Variants in SEL1L2 observed in about 807,000 individuals in gnomAD.
The protein encoded by SEL1L2 is SEL1L2 adaptor subunit of SYVN1 ubiquitin ligase.
Under a neutral mutation model 98.8 loss-of-function variants are expected in SEL1L2, and 89 were observed. The observed-to-expected ratio is 0.90, with a 90% CI of 0.76 to 1.07. The LOEUF is 1.07. Among genes scored for constraint, SEL1L2 ranks in the 50% least tolerant of loss-of-function variants. SEL1L2 has a pLI of 0.00. For missense variants in SEL1L2, 788 were observed against 812.0 expected (o/e 0.97, Z 0.36); for synonymous variants, 262 against 278.5 (o/e 0.94, Z 0.59).
intron 2 of SEL1L2, among the ~76,000 whole-genome samples, chr20:13,955,407 C>T (rs570085185): frequency 1.3e-5 from 2 of 151,748 alleles, no homozygotes; most frequent in South Asian, 2.1e-4. Flanking sequence ...GTATTCCAAG[C>T]AGAGAGAACA....
chr20:13,885,106 C>T (rs901472527), intron 10 of SEL1L2, among the ~76,000 whole-genome samples: 3 of 152,090 alleles, frequency 2.0e-5, no homozygotes, highest in Non-Finnish European at 4.4e-5. Flanking sequence ...TGGATACCCC[C>T]CTGCCTCGAT....
intron 5 of SEL1L2, 29 bp downstream of exon 5, chr20:13,913,753 T>C (rs1481249280): frequency 2.7e-6 from 4 of 1,495,706 alleles, no homozygotes; most frequent in Non-Finnish European, 3.5e-6. Flanking sequence ...ATGGAGCTAT[T>C]TAAGGTTTCA....
At chr20:13,920,227 CAAA>C (rs4052973) in intron 3 of SEL1L2, among the ~76,000 whole-genome samples, 9 of 103,142 alleles carry the variant, frequency 8.7e-5, no homozygotes, top group African/African-American at 1.3e-4. Context: ...GACTCCGTCC[CAAA>C]AAAAAAAAAA....
chr20:13,864,290 T>A (rs1157251259), intron 17 of SEL1L2, among the ~76,000 whole-genome samples: 1 of 152,242 alleles, frequency 6.6e-6, no homozygotes, highest in Non-Finnish European at 1.5e-5. Flanking sequence ...GACTTTTTCC[T>A]ATGCTTCATA....
intron 2 of SEL1L2, among the ~76,000 whole-genome samples, chr20:13,933,175 C>A (rs11699923): frequency 0.019 from 2,900 of 152,076 alleles, 37 homozygotes; most frequent in Non-Finnish European, 0.032. Context: ...CGCCACTGTA[C>A]TCCAGCCAGC....
intron 1 of SEL1L2, among the ~76,000 whole-genome samples, chr20:13,971,040 T>C (rs2051262090): frequency 6.6e-6 from 1 of 152,060 alleles, no homozygotes; most frequent in Non-Finnish European, 1.5e-5. Flanking sequence ...ACTGGTACAG[T>C]TAACCATCTT....
chr20:13,877,248 G>A (rs780437252), intron 11 of SEL1L2, among the ~76,000 whole-genome samples: 24 of 152,182 alleles, frequency 1.6e-4, no homozygotes, highest in East Asian at 7.7e-4. Flanking sequence ...CCACTTAGCC[G>A]CTTCCGTGAA....
intron 2 of SEL1L2, 58 bp downstream of exon 2, chr20:13,956,018 T>G (rs1032360267): frequency 1.1e-6 from 1 of 893,832 alleles, no homozygotes; most frequent in Non-Finnish European, 1.8e-6. Flanking sequence ...CTGAAAAAAC[T>G]AGTGCCTATA....
chr20:13,864,615 C>A (rs1219503117), intron 17 of SEL1L2, among the ~76,000 whole-genome samples: 3 of 152,028 alleles, frequency 2.0e-5, no homozygotes, highest in Non-Finnish European at 4.4e-5. Context: ...CATGGAAACT[C>A]GAGGAAAAGC....
At chr20:13,917,269 G>A (rs993560892) in intron 4 of SEL1L2, among the ~76,000 whole-genome samples, 6 of 152,056 alleles carry the variant, frequency 3.9e-5, no homozygotes, top group African/African-American at 1.2e-4. Flanking sequence ...CTATTAGGCT[G>A]GATTGTATTT....
At chr20:13,894,907 G>A (rs1359853706) in intron 5 of SEL1L2, among the ~76,000 whole-genome samples, 9 of 152,190 alleles carry the variant, frequency 5.9e-5, no homozygotes, top group East Asian at 1.9e-4. Context: ...AGAATTCTAC[G>A]AAAAATCTAA....
intron 2 of SEL1L2, among the ~76,000 whole-genome samples, chr20:13,945,140 T>G (rs1250468020): frequency 6.6e-6 from 1 of 152,182 alleles, no homozygotes; most frequent in African/African-American, 2.4e-5. Context: ...AAGATCTATA[T>G]GAGGAAGTGA....
chr20:13,865,274 TA>T, intron 16 of SEL1L2, 33 bp from the exon 17 acceptor site: 1 of 1,610,338 alleles, frequency 6.2e-7, no homozygotes, highest in Middle Eastern at 1.7e-4. Context: ...TAGGAAGGCT[TA>T]AAATGCCTCT....
Position 13,865,375 on chromosome 20 carries a change from C to A in SEL1L2, c.1544G>T (p.Ser515Ile). 6.2e-7 allele frequency: 1 copy of A among 1,614,086 alleles called. No homozygotes were observed. The highest frequency in any genetic ancestry group is 8.5e-7 in the Non-Finnish European group (1 of 1,179,992). ...AGATTCCAAAATGAATGCTGAATTG[C>A]TTTGAGCTACTTCATACCCCATTTC... is the stretch of plus-strand genomic sequence containing the variant. ...LAEMGYEVAQSNSAFILESKK... is the reference protein window; with the variant it reads ...LAEMGYEVAQINSAFILESKK... The change falls in exon 16 of 20, where the codon AGC becomes ATC. Residue 515 changes from serine to isoleucine, a missense_variant. Physicochemically the swap from Ser to Ile is moderately radical, Grantham distance 142. Transcript: ENST00000284951.
intron 18 of SEL1L2, among the ~76,000 whole-genome samples, chr20:13,855,049 C>CAAAAAAA (rs71188190): frequency 2.5e-5 from 2 of 81,116 alleles, no homozygotes; most frequent in Non-Finnish European, 2.4e-5. Flanking sequence ...GACTCCGTCT[C>CAAAAAAA]AAAAAAAAAA....
chr20:13,939,800 G>A (rs1193932711), intron 2 of SEL1L2, among the ~76,000 whole-genome samples: 1 of 151,386 alleles, frequency 6.6e-6, no homozygotes. Context: ...CCAAGTAGCT[G>A]GGATTACAGG....
intron 1 of SEL1L2, among the ~76,000 whole-genome samples, chr20:13,973,013 T>C (rs2051354771): frequency 6.6e-6 from 1 of 152,176 alleles, no homozygotes; most frequent in Non-Finnish European, 1.5e-5. Context: ...TGTATGGATA[T>C]TGTAACGTTT....
chr20:13,879,725 A>C (rs1265904108), intron 10 of SEL1L2, among the ~76,000 whole-genome samples: 2 of 152,212 alleles, frequency 1.3e-5, no homozygotes, highest in African/African-American at 2.4e-5. Flanking sequence ...ATGTTAGGGA[A>C]TCCTGAAGAT....
intron 5 of SEL1L2, among the ~76,000 whole-genome samples, chr20:13,908,483 A>C (rs1275753181): frequency 1.3e-5 from 2 of 152,118 alleles, no homozygotes; most frequent in Non-Finnish European, 2.9e-5. Flanking sequence ...CAAATTAACA[A>C]ATTTCCTATT....
Sources: allele counts gnomAD v4.1 joint callset (sites outside exome capture counted in the v4.1 genomes callset), GRCh38; gene constraint gnomAD v4.1.1; transcripts MANE v1.5; gene names NCBI Gene and HGNC (gene_info 2026-07-23, HGNC 2026-07-21).